The following CERK variants were observed in gnomAD, a reference collection of about 807,000 sequenced individuals.
The protein encoded by CERK is ceramide kinase, also known as acylsphingosine kinase.
CERK carries 39 observed loss-of-function variants against 63.4 expected under a neutral mutation model. The ratio of observed to expected loss-of-function variants is 0.61; its 90% CI spans 0.48 to 0.80. The LOEUF is 0.80. Ranked by LOEUF, CERK falls within the 30% of genes least tolerant of loss-of-function variation. The pLI is 0.00. For missense variants in CERK, 670 were observed against 714.1 expected (o/e 0.94, Z 0.70); for synonymous variants, 302 against 280.0 (o/e 1.08, Z -0.78).
chr22:46,727,851 C>A (rs867016220), intron 1 of CERK, among the ~76,000 whole-genome samples: 1 of 151,996 alleles, frequency 6.6e-6, no homozygotes, highest in Non-Finnish European at 1.5e-5. Context: ...GCCCTGCCAC[C>A]CCCGCGGCTC....
intron 1 of CERK, among the ~76,000 whole-genome samples, chr22:46,734,063 C>CAT (rs1429583176): frequency 9.9e-6 from 1 of 100,768 alleles, no homozygotes; most frequent in African/African-American, 3.4e-5. Flanking sequence ...TATATACATA[C>CAT]ATACATATAT....
intron 11 of CERK, among the ~76,000 whole-genome samples, 174 bp downstream of exon 11, chr22:46,691,398 A>AT (rs2082730749): frequency 6.6e-6 from 1 of 152,142 alleles, no homozygotes; most frequent in Non-Finnish European, 1.5e-5. Context: ...TTTAAATGAT[A>AT]TTTTACAAGG....
intron 1 of CERK, among the ~76,000 whole-genome samples, chr22:46,727,835 C>CT (rs1053357724): frequency 9.9e-5 from 15 of 152,092 alleles, no homozygotes; most frequent in African/African-American, 3.6e-4. Flanking sequence ...CCAGCCACCC[C>CT]CCCCGGCCCT....
rs139395640 is a variant in CERK at position 46,712,038 on chromosome 22, A to G, written c.505+130T>C. On this transcript the variant is annotated intron_variant, in intron 4 of 12. Coordinates refer to ENST00000216264, the MANE Select transcript of CERK (RefSeq NM_022766.6). ...GGAGGCTGAGGTTACAGTGACCCACAATTGCACCACTGCACTCCAGCCTGG... is the reference window on the plus strand; with the variant it reads ...GGAGGCTGAGGTTACAGTGACCCACGATTGCACCACTGCACTCCAGCCTGG... 1.9e-3 allele frequency: 1,841 copies of G among 971,240 alleles called. 19 individuals are homozygous for G. The African/African-American group carries it at 0.027, about 14-fold the overall frequency. 60.2% of individuals were successfully genotyped at this position (971,240 alleles called of 1,614,324 possible).
intron 8 of CERK, among the ~76,000 whole-genome samples, chr22:46,699,022 G>A (rs73888619): frequency 0.022 from 3,365 of 152,242 alleles, 129 homozygotes; most frequent in African/African-American, 0.077. Flanking sequence ...GTGGCCTGGC[G>A]TCTTGGGGTT....
At chr22:46,736,912 A>C (rs8142363) in intron 1 of CERK, among the ~76,000 whole-genome samples, 71,819 of 152,022 alleles carry the variant, frequency 0.47, 19,335 homozygotes, top group Non-Finnish European at 0.6. Flanking sequence ...TATCCACCAG[A>C]GAATCTTGGC....
intron 1 of CERK, among the ~76,000 whole-genome samples, chr22:46,733,441 A>G (rs2082956263): frequency 6.6e-6 from 1 of 150,750 alleles, no homozygotes; most frequent in African/African-American, 2.4e-5. Context: ...TTATAGGCGC[A>G]CGCCAACATG....
At chr22:46,698,860 T>C (rs1315405674) in intron 8 of CERK, among the ~76,000 whole-genome samples, 1 of 152,218 alleles carries the variant, frequency 6.6e-6, no homozygotes, top group Non-Finnish European at 1.5e-5. Flanking sequence ...GTGATCGTGC[T>C]ACTGCACTCC....
intron 8 of CERK, among the ~76,000 whole-genome samples, chr22:46,695,972 T>C (rs2082754116): frequency 6.6e-6 from 1 of 152,138 alleles, no homozygotes; most frequent in African/African-American, 2.4e-5. Flanking sequence ...CCGTGTCCTG[T>C]GAGTCTCAGG....
chr22:46,692,383 G>A (rs1237987779), intron 10 of CERK, among the ~76,000 whole-genome samples: 4 of 143,654 alleles, frequency 2.8e-5, no homozygotes, highest in Admixed American at 7.3e-5. Context: ...CTGAGATTGC[G>A]CCATTGCACT....
In CERK at chr22:46,686,639, C is replaced by T. The variant is rs1395064865; in HGVS notation, c.*495G>A. On this transcript the variant is annotated 3_prime_UTR_variant, in exon 13 of 13. Transcript: ENST00000216264. ...TATTGTAAGGATCAAGCAGCGATGT[C>T]CTAACCGTAAACGAAGAGGAAGGTG... is the stretch of plus-strand genomic sequence containing the variant. 1 of 171,436 alleles carries T rather than the reference C, an allele frequency of 5.8e-6. No homozygotes were observed. Among genetic ancestry groups the T allele is most frequent in the Non-Finnish European group, 1.3e-5 (1 of 78,084 alleles). The allele number at this position is 171,436 out of a possible 1,614,324, so 10.6% of individuals were successfully genotyped here.
intron 6 of CERK, among the ~76,000 whole-genome samples, chr22:46,703,948 C>A (rs1043446357): frequency 2.0e-5 from 3 of 152,088 alleles, no homozygotes; most frequent in African/African-American, 7.2e-5. Flanking sequence ...GACTCCCGGC[C>A]TAGGCCCCTC....
At chr22:46,713,878 T>C (rs1199485988) in intron 3 of CERK, among the ~76,000 whole-genome samples, 2 of 152,072 alleles carry the variant, frequency 1.3e-5, no homozygotes, top group Non-Finnish European at 2.9e-5. Flanking sequence ...ACACCTGTAA[T>C]CCCAACACTT....
In CERK at chr22:46,689,905, A is replaced by AC. The variant is rs982178593; in HGVS notation, c.1541+86dup. 206 of 912,272 alleles carry AC rather than the reference A, an allele frequency of 2.3e-4. 1 individual carries two copies. The East Asian group carries it at 5.5e-3, about 24-fold the overall frequency. The allele number at this position is 912,272 out of a possible 1,614,324, so 56.5% of individuals were successfully genotyped here. A position where few individuals can be genotyped will look rare whatever the true frequency, so the allele number is the denominator to read the frequency against. ...TTTTGTGTTTATAAAGCCCCAGGGA[A>AC]CCCCCCACCCTGGGTGGGGCAGCTT... On this transcript the variant is annotated intron_variant, in intron 12 of 12. Transcript: ENST00000216264.
intron 8 of CERK, among the ~76,000 whole-genome samples, chr22:46,697,256 G>A (rs950268589): frequency 1.3e-5 from 2 of 152,014 alleles, no homozygotes; most frequent in African/African-American, 4.8e-5. Flanking sequence ...AAGTCGACCG[G>A]GCAGCGAGAA....
rs1235645997 is a variant in CERK, at chr22:46,685,031, G to A, written c.*2103C>T. On this transcript the variant is annotated 3_prime_UTR_variant, in exon 13 of 13. Transcript: ENST00000216264. ...CTGGACTGTTTTGCTAAAATTGTTA[G>A]TGGGTTTTGGGGCAGGCCAGTGTAT... The A allele has an allele frequency of 1.3e-5, 2 of 152,030 alleles. No homozygotes were observed. Among genetic ancestry groups the A allele is most frequent in the Non-Finnish European group, 2.9e-5 (2 of 68,006 alleles). 9.4% of individuals were successfully genotyped at this position (152,030 alleles called of 1,614,324 possible).
chr22:46,692,285 G>A (rs947465922), intron 10 of CERK, among the ~76,000 whole-genome samples: 1 of 151,976 alleles, frequency 6.6e-6, no homozygotes, highest in African/African-American at 2.4e-5. Context: ...AATTAGCCAG[G>A]CGTGGCGGTG....
chr22:46,717,507 C>T (rs1234742453), intron 3 of CERK, among the ~76,000 whole-genome samples: 1 of 152,244 alleles, frequency 6.6e-6, no homozygotes, highest in East Asian at 1.9e-4. Context: ...GACTACTCGC[C>T]ACCACGGTGG....
chr22:46,689,170 C>T (rs752508071), intron 12 of CERK, among the ~76,000 whole-genome samples: 4 of 152,360 alleles, frequency 2.6e-5, no homozygotes, highest in African/African-American at 7.2e-5. Flanking sequence ...CCCTAGGCTG[C>T]GTGGCCTCCA....
Sources: allele counts gnomAD v4.1 joint callset (sites outside exome capture counted in the v4.1 genomes callset), GRCh38; gene constraint gnomAD v4.1.1; transcripts MANE v1.5; gene names NCBI Gene and HGNC (gene_info 2026-07-23, HGNC 2026-07-21).